FES: variants seen among roughly 807,000 people sequenced by gnomAD.
FES encodes FES proto-oncogene, tyrosine kinase.
In FES, 83 loss-of-function variants were observed where a neutral mutation model predicts 109.6. That is an observed-to-expected ratio of 0.76 (90% CI 0.63 to 0.91). The LOEUF is 0.91. Ranked by LOEUF, FES falls within the 40% of genes least tolerant of loss-of-function variation. The pLI is 0.00. For synonymous variants in FES, 458 were observed against 442.1 expected (o/e 1.04, Z -0.45); for missense variants, 943 against 1,070.9 (o/e 0.88, Z 1.67).
chr15:90,888,249 G>C (rs1380322278), intron 5 of FES, among the ~76,000 whole-genome samples: 2 of 152,176 alleles, frequency 1.3e-5, no homozygotes, highest in African/African-American at 2.4e-5. Flanking sequence ...GGAACTACGG[G>C]CATGCGCCAC....
intron 13 of FES, 68 bp from the exon 14 acceptor site, chr15:90,892,639 T>G: frequency 1.4e-6 from 2 of 1,464,542 alleles, no homozygotes. Flanking sequence ...GGAAGCAGAA[T>G]GGGTAGGAAG....
At chr15:90,892,483 C>A in intron 13 of FES, 1 of 580,938 alleles carries the variant, frequency 1.7e-6, no homozygotes, top group Non-Finnish European at 3.1e-6. Context: ...TTTTGGATTT[C>A]CATGTCACTT....
rs2033404374 is a variant in FES at position 90,893,313 on chromosome 15, C to T, written c.1944C>T (p.Leu648=). Reference sequence around the variant, plus strand: ...CAGGGGGCGACTTCCTGACCTTCCTCCGCACGGAGGGGGCCCGCCTGCGGG... The same window carrying T: ...CAGGGGGCGACTTCCTGACCTTCCTTCGCACGGAGGGGGCCCGCCTGCGGG... ...LVQGGDFLTF[L]RTEGARLRVK... The change falls in exon 16 of 19, where the codon CTC becomes CTT. Residue 648 remains leucine (L), a synonymous_variant. Transcript: ENST00000328850. 1 of 1,574,524 alleles carries T rather than the reference C, an allele frequency of 6.4e-7. No individual in the cohort carries two copies. The highest frequency in any genetic ancestry group is 8.6e-7 in the Non-Finnish European group (1 of 1,160,368).
chr15:90,893,543 C>A, intron 16 of FES, 111 bp from the exon 17 acceptor site: 4 of 1,488,968 alleles, frequency 2.7e-6, no homozygotes, highest in Non-Finnish European at 3.6e-6. Flanking sequence ...CTGTGGTAGA[C>A]AGGGGTGCCC....
chr15:90,889,176 G>A lies in FES; in HGVS notation c.669-130G>A. The A allele has an allele frequency of 1.7e-6, 2 of 1,203,904 alleles. No individual in the cohort carries two copies. Among genetic ancestry groups the A allele is most frequent in the South Asian group, 2.9e-5 (2 of 69,742 alleles). 74.6% of individuals were successfully genotyped at this position (1,203,904 alleles called of 1,614,324 possible). ...AGAGGTTAAATAATTTGCCTAGAGT[G>A]GCATGGCTAGCTCGAAGTGAGGCAG... On this transcript the variant is annotated intron_variant, in intron 5 of 18. Transcript: ENST00000328850. The surrounding 1 kb of genome is among the most constrained non-coding windows in gnomAD (Gnocchi z 6.1).
Position 90,895,429 on chromosome 15 carries a change from C to T in FES, c.2340C>T (p.Pro780=). 1 of 1,553,538 alleles carries T rather than the reference C, an allele frequency of 6.4e-7. No individual in the cohort carries two copies. The highest frequency in any genetic ancestry group is 8.7e-7 in the Non-Finnish European group (1 of 1,146,198). ...REFVEKGGRL[P]CPELCPDAVF... ...CTCTCCTCACAGGGGGCCGTCTGCCCTGCCCAGAGCTGTGTCCTGATGCCG... is the reference window on the plus strand; with the variant it reads ...CTCTCCTCACAGGGGGCCGTCTGCCTTGCCCAGAGCTGTGTCCTGATGCCG... Residue 780 remains proline (P), a synonymous_variant, in exon 19 of 19, where the codon CCC becomes CCT. Transcript: ENST00000328850.
At chr15:90,886,752 G>T (rs2032670566) in intron 3 of FES, among the ~76,000 whole-genome samples, 1 of 152,206 alleles carries the variant, frequency 6.6e-6, no homozygotes, top group African/African-American at 2.4e-5. Context: ...AGGGACCATT[G>T]TAGCCTGTAG....
rs1006132507 is a variant in FES at position 90,894,024 on chromosome 15, C to A, written c.2292C>A (p.Leu764=). The A allele has an allele frequency of 6.2e-7, 1 of 1,613,880 alleles. No homozygotes were observed. The highest frequency in any genetic ancestry group is 1.7e-5 in the Admixed American group (1 of 60,028). The change falls in exon 18 of 19, where the codon CTC becomes CTA. Residue 764 remains leucine (L), a synonymous_variant. Coordinates refer to ENST00000328850, the MANE Select transcript of FES (RefSeq NM_002005.4). ...FSLGASPYPN[L]SNQQTREFVE... is the part of the protein sequence containing the mutation. ...TGGGGGCCTCCCCCTATCCCAACCT[C>A]AGCAATCAGCAGACACGGGAGTTTG... is the stretch of plus-strand genomic sequence containing the variant.
intron 16 of FES, 38 bp downstream of exon 16, chr15:90,893,452 C>A: frequency 6.6e-7 from 1 of 1,517,386 alleles, no homozygotes; most frequent in Non-Finnish European, 8.8e-7. Context: ...CCAACACCCC[C>A]GACCAGAGTC....
Position 90,893,360 on chromosome 15 carries a change from TG to T in FES, c.1996del (p.Asp666MetfsTer26). The T allele has an allele frequency of 6.4e-7, 1 of 1,565,692 alleles. No individual in the cohort carries two copies. On this transcript the variant is annotated frameshift_variant, in exon 16 of 19. Coordinates refer to ENST00000328850, the MANE Select transcript of FES (RefSeq NM_002005.4). LOFTEE classifies it high-confidence loss of function. The part of the protein sequence containing the change: ...RLRVKTLLQM[V>X]GDAAAGMEYL... ...CGGGTGAAGACTCTGCTGCAGATGG[TG>T]GGGGATGCAGCTGCTGGCATGGAGT...
chr15:90,892,918 T>G lies in FES; in HGVS notation c.1826+93T>G, dbSNP rs961820583. On this transcript the variant is annotated intron_variant, in intron 14 of 18. Transcript: ENST00000328850. Reference sequence around the variant, plus strand: ...GAAGTGCTTGACCACCGTGGTGGTGTTTAGTCCTCGAGGCCCCCCATTGCG... The same window carrying G: ...GAAGTGCTTGACCACCGTGGTGGTGGTTAGTCCTCGAGGCCCCCCATTGCG... The G allele has an allele frequency of 4.2e-6, 6 of 1,418,592 alleles. No individual in the cohort carries two copies. The African/African-American group carries it at 7.0e-5, about 17-fold the overall frequency. 87.9% of individuals were successfully genotyped at this position (1,418,592 alleles called of 1,614,324 possible).
At chr15:90,884,752 G>T in intron 1 of FES, 1 of 342,806 alleles carries the variant, frequency 2.9e-6, no homozygotes, top group Non-Finnish European at 5.4e-6. Flanking sequence ...CTGGGCAAGG[G>T]TGTCCCTGTA....
rs753332793 is a variant in FES at position 90,885,558 on chromosome 15, G to A, written c.360G>A (p.Trp120Ter). ...TTCGCAAGACCTACAGCGAGCAGTG[G>A]CAGCAGCTGCAGCAGGAGCTCACCA... ...QQLRKTYSEQ[W>*]QQLQQELTKT... The change falls in exon 3 of 19, where the codon TGG becomes TGA. Residue 120 changes from tryptophan (W) to a stop codon, truncating the protein, a stop_gained. Transcript: ENST00000328850. LOFTEE classifies it high-confidence loss of function. The A allele has an allele frequency of 1.2e-6, 2 of 1,613,038 alleles. No homozygotes were observed. Among genetic ancestry groups the A allele is most frequent in the Non-Finnish European group, 1.7e-6 (2 of 1,179,946 alleles).
In FES at chr15:90,891,575, G is replaced by C. The variant is rs374360026; in HGVS notation, c.1552G>C (p.Glu518Gln). ...SLDNLYRLEG[E>Q]GFPSIPLLID... ...GCAGAACCTGTACCGACTGGAAGGG[G>C]AAGGCTTTCCTAGCATTCCTTTGCT... Residue 518 changes from glutamate (E) to glutamine (Q), a missense_variant, in exon 12 of 19, where the codon GAA becomes CAA. By Grantham distance (29) the Glu-to-Gln change is conservative. Coordinates refer to ENST00000328850, the MANE Select transcript of FES (RefSeq NM_002005.4). The C allele has an allele frequency of 2.5e-6, 4 of 1,613,674 alleles. No individual in the cohort carries two copies. The highest frequency in any genetic ancestry group is 1.3e-5 in the African/African-American group (1 of 74,926).
chr15:90,895,397 G>A lies in FES; in HGVS notation c.2327-19G>A, dbSNP rs776502813. 2 of 1,509,248 alleles carry A rather than the reference G, an allele frequency of 1.3e-6. No homozygotes were observed. The highest frequency in any genetic ancestry group is 1.4e-5 in the African/African-American group (1 of 71,226). The allele number at this position is 1,509,248 out of a possible 1,614,324, so 93.5% of individuals were successfully genotyped here. A position where few individuals can be genotyped will look rare whatever the true frequency, so the allele number is the denominator to read the frequency against. On this transcript the variant is annotated intron_variant, in intron 18 of 18. Coordinates refer to ENST00000328850, the MANE Select transcript of FES (RefSeq NM_002005.4). The stretch of plus-strand genomic sequence containing the variant: ...CAAACTCCCTCCTCATGCCTGGTGT[G>A]CTGTGCCTCTCCTCACAGGGGGCCG...
intron 11 of FES, 39 bp from the exon 12 acceptor site, chr15:90,891,515 A>T: frequency 6.2e-7 from 1 of 1,611,616 alleles, no homozygotes. Context: ...ACGCCCCCTC[A>T]GAATGGAGGC....
chr15:90,894,307 G>A (rs1489832788), intron 18 of FES, among the ~76,000 whole-genome samples: 2 of 152,022 alleles, frequency 1.3e-5, no homozygotes, highest in Non-Finnish European at 2.9e-5. Context: ...AAAATAGACT[G>A]GGCACGGTGG....
At chr15:90,888,642 G>T (rs1227150552) in intron 5 of FES, among the ~76,000 whole-genome samples, 3 of 152,198 alleles carry the variant, frequency 2.0e-5, no homozygotes, top group East Asian at 1.9e-4. Context: ...GGAGTCAGGG[G>T]TCACTCTGGG....
At chr15:90,890,579 T>C in intron 10 of FES, 95 bp downstream of exon 10, 2 of 1,153,784 alleles carry the variant, frequency 1.7e-6, no homozygotes, top group Non-Finnish European at 2.5e-6. Flanking sequence ...GCTGCTTGTA[T>C]TGGGAAGTTC....
Sources: allele counts gnomAD v4.1 joint callset (sites outside exome capture counted in the v4.1 genomes callset), GRCh38; gene constraint gnomAD v4.1.1; non-coding constraint Gnocchi (gnomAD v3.1); transcripts MANE v1.5; gene names NCBI Gene and HGNC (gene_info 2026-07-23, HGNC 2026-07-21).